The following RERG variants were observed in gnomAD, a reference collection of about 807,000 sequenced individuals.
RERG encodes the protein RAS like estrogen regulated growth inhibitor, also known as ras-related and estrogen-regulated growth inhibitor.
In RERG, 25 loss-of-function variants were observed where a neutral mutation model predicts 23.2. That is an observed-to-expected ratio of 1.08 (90% CI 0.79 to 1.50). RERG has a LOEUF of 1.50. Among genes scored for constraint, RERG ranks in the 40% most tolerant of loss-of-function variants. RERG has a pLI of 0.00. For missense variants in RERG, 253 were observed against 250.1 expected (o/e 1.01, Z -0.08); for synonymous variants, 81 against 89.1 (o/e 0.91, Z 0.51).
chr12:15,157,519 G>T (rs1279667456), intron 2 of RERG, among the ~76,000 whole-genome samples: 1 of 152,178 alleles, frequency 6.6e-6, no homozygotes, highest in African/African-American at 2.4e-5. Context: ...CTTGTCAGCT[G>T]CTTCCTGTCC....
intron 2 of RERG, among the ~76,000 whole-genome samples, chr12:15,191,913 A>G (rs557941155): frequency 1.8e-4 from 28 of 152,262 alleles, no homozygotes; most frequent in African/African-American, 6.5e-4. Context: ...CCCTAAGGCT[A>G]ATGGTGACCT....
At chr12:15,178,076 G>A (rs1176589327) in intron 2 of RERG, among the ~76,000 whole-genome samples, 1 of 152,004 alleles carries the variant, frequency 6.6e-6, no homozygotes, top group African/African-American at 2.4e-5. Context: ...ACAGATTGGA[G>A]TTTTATTGCT....
At chr12:15,115,212 A>G (rs1863697692) in intron 3 of RERG, among the ~76,000 whole-genome samples, 1 of 152,152 alleles carries the variant, frequency 6.6e-6, no homozygotes, top group Non-Finnish European at 1.5e-5. Flanking sequence ...TATTTGAACA[A>G]CTGTTCTAAA....
At chr12:15,112,439 T>C (rs1292626250) in intron 3 of RERG, 5 of 151,744 alleles carry the variant, frequency 3.3e-5, no homozygotes, top group Non-Finnish European at 5.9e-5. Context: ...CAGCTGGAGG[T>C]TGGTGGATCA....
Position 15,111,424 on chromosome 12 carries a change from G to C in RERG, c.119-7C>G. 6.3e-7 allele frequency: 1 copy of C among 1,596,464 alleles called. No individual in the cohort carries two copies. The highest frequency in any genetic ancestry group is 1.8e-5 in the Admixed American group (1 of 55,930). ...TGGTGTCGGTAGGTTGATTCTAAGGGAATGAGCAAATAAAAAAGACAAAAA... is the reference window on the plus strand; with the variant it reads ...TGGTGTCGGTAGGTTGATTCTAAGGCAATGAGCAAATAAAAAAGACAAAAA... On this transcript the variant is annotated splice_region_variant and splice_polypyrimidine_tract_variant and intron_variant, in intron 3 of 4. Coordinates refer to ENST00000256953, the MANE Select transcript of RERG (RefSeq NM_032918.3).
In RERG at chr12:15,217,592, G is replaced by A; in HGVS notation, c.-103C>T. 2.4e-6 allele frequency: 2 copies of A among 837,982 alleles called. No homozygotes were observed. The highest frequency in any genetic ancestry group is 2.4e-5 in the East Asian group (1 of 40,920). 51.9% of individuals were successfully genotyped at this position (837,982 alleles called of 1,614,324 possible). On this transcript the variant is annotated 5_prime_UTR_variant, in exon 2 of 5. Transcript: ENST00000256953. ...CACCATATCATTGTGAATCTTGGAA[G>A]AGTCCACAATCCTTAAACAAAAGAA...
At chr12:15,147,692 A>T (rs1244760429) in intron 2 of RERG, among the ~76,000 whole-genome samples, 1 of 152,172 alleles carries the variant, frequency 6.6e-6, no homozygotes, top group Non-Finnish European at 1.5e-5. Flanking sequence ...GAGCAAACTA[A>T]AAGGTAGATT....
intron 2 of RERG, among the ~76,000 whole-genome samples, chr12:15,175,528 C>T (rs1864839085): frequency 6.6e-6 from 1 of 151,910 alleles, no homozygotes; most frequent in Admixed American, 6.6e-5. Flanking sequence ...TACACACAAC[C>T]TTGCATGTAA....
chr12:15,209,774 T>C (rs1193079152), intron 2 of RERG, among the ~76,000 whole-genome samples: 2 of 152,186 alleles, frequency 1.3e-5, no homozygotes, highest in African/African-American at 4.8e-5. Context: ...TCTGAGAAGA[T>C]GTGGAAAATA....
intron 2 of RERG, among the ~76,000 whole-genome samples, chr12:15,144,692 T>G (rs1212757183): frequency 6.6e-6 from 1 of 152,172 alleles, no homozygotes; most frequent in East Asian, 1.9e-4. Context: ...GGGGTGGCAA[T>G]GCAGAGAGTC....
intron 2 of RERG, among the ~76,000 whole-genome samples, chr12:15,150,221 G>T (rs1339548359): frequency 2.0e-5 from 3 of 152,162 alleles, no homozygotes; most frequent in Admixed American, 2.0e-4. Context: ...TATTTACACA[G>T]TGTAAACTGT....
At chr12:15,168,383 C>T (rs918539272) in intron 2 of RERG, among the ~76,000 whole-genome samples, 1 of 152,116 alleles carries the variant, frequency 6.6e-6, no homozygotes, top group Non-Finnish European at 1.5e-5. Flanking sequence ...GGTTCCAGGA[C>T]CTTGAGGAAA....
intron 2 of RERG, among the ~76,000 whole-genome samples, chr12:15,197,999 A>T (rs905123079): frequency 3.3e-5 from 5 of 152,130 alleles, no homozygotes; most frequent in African/African-American, 1.2e-4. Flanking sequence ...TGTGTCATCC[A>T]GGACTCATAT....
intron 2 of RERG, among the ~76,000 whole-genome samples, chr12:15,142,826 T>A (rs1204208377): frequency 6.6e-6 from 1 of 152,184 alleles, no homozygotes; most frequent in African/African-American, 2.4e-5. Context: ...GAAACTATCA[T>A]CATCTGTTAT....
intron 2 of RERG, among the ~76,000 whole-genome samples, chr12:15,199,133 A>G (rs574377041): frequency 1.3e-5 from 2 of 152,260 alleles, no homozygotes; most frequent in African/African-American, 4.8e-5. Context: ...TCAACCCATA[A>G]TAGTGTCTAC....
chr12:15,155,916 T>A (rs1180457490), intron 2 of RERG, among the ~76,000 whole-genome samples: 1 of 151,058 alleles, frequency 6.6e-6, no homozygotes, highest in African/African-American at 2.4e-5. Context: ...TAAAATCAAC[T>A]ATGATGAAAT....
chr12:15,175,178 T>C (rs1864831002), intron 2 of RERG, among the ~76,000 whole-genome samples: 1 of 151,506 alleles, frequency 6.6e-6, no homozygotes, highest in Non-Finnish European at 1.5e-5. Context: ...TTTTTTTTTG[T>C]TTTGTAACTT....
chr12:15,110,624 G>A (rs61909398), intron 4 of RERG, among the ~76,000 whole-genome samples: 18,331 of 151,354 alleles, frequency 0.12, 1,175 homozygotes, highest in African/African-American at 0.13. Context: ...GACTACAGGC[G>A]CCCACCACCA....
chr12:15,127,847 T>C (rs1387338235), intron 2 of RERG, among the ~76,000 whole-genome samples: 1 of 152,166 alleles, frequency 6.6e-6, no homozygotes, highest in Non-Finnish European at 1.5e-5. Flanking sequence ...AAAGGAAGCT[T>C]AAGTATATAT....
Sources: allele counts gnomAD v4.1 joint callset (sites outside exome capture counted in the v4.1 genomes callset), GRCh38; gene constraint gnomAD v4.1.1; transcripts MANE v1.5; gene names NCBI Gene and HGNC (gene_info 2026-07-23, HGNC 2026-07-21).